Variants in ICAM3 observed in about 807,000 individuals in gnomAD.
ICAM3 encodes intercellular adhesion molecule 3, also known as ICAM-3.
A neutral mutation model predicts 43.6 loss-of-function variants in ICAM3; 54 were observed. The ratio of observed to expected loss-of-function variants is 1.24; its 90% CI spans 0.99 to 1.55. The LOEUF (loss-of-function observed/expected upper bound fraction) is 1.55, where lower values mean the gene tolerates loss of function less well. Ranked by LOEUF, ICAM3 falls within the 40% of genes most tolerant of loss-of-function variation. The pLI, the probability that ICAM3 is intolerant of heterozygous loss-of-function variation, is 0.00. For synonymous variants in ICAM3, 306 were observed against 312.6 expected (o/e 0.98, Z 0.22); for missense variants, 715 against 717.9 (o/e 1.00, Z 0.05).
chr19:10,334,192 T>G lies in ICAM3; in HGVS notation c.1409A>C (p.Lys470Thr). ...YQCQASSSRG[K>T]YTLVVVMDIE... is the part of the protein sequence containing the mutation. ...GTCCATCACCACGACCAGGGTGTAT[T>G]TGCCTCGTGAGCTGGACGCTTGGCA... The change falls in exon 6 of 7, where the codon AAA becomes ACA. Residue 470 changes from lysine (K) to threonine (T), a missense_variant. Physicochemically the swap from Lys to Thr is moderately conservative, Grantham distance 78 (BLOSUM62 -1). Coordinates refer to ENST00000160262, the MANE Select transcript of ICAM3 (RefSeq NM_002162.5). The surrounding 1 kb of genome is among the most constrained non-coding windows in gnomAD (Gnocchi z 5.5). 2 of 1,614,072 alleles carry G rather than the reference T, an allele frequency of 1.2e-6. No individual in the cohort carries two copies. The highest frequency in any genetic ancestry group is 2.2e-5 in the South Asian group (2 of 91,074).
At position 10,334,400 on chromosome 19, in the gene ICAM3, T is replaced by G. The variant is rs1027913510; in HGVS notation, c.1201A>C (p.Lys401Gln). 1.9e-6 allele frequency: 3 copies of G among 1,614,116 alleles called. No homozygotes were observed. The highest frequency in any genetic ancestry group is 1.3e-5 in the African/African-American group (1 of 75,044). The change falls in exon 6 of 7, where the codon AAA becomes CAA. Residue 401 changes from lysine (K) to glutamine (Q), a missense_variant. Coordinates refer to ENST00000160262, the MANE Select transcript of ICAM3 (RefSeq NM_002162.5). The surrounding 1 kb of genome is among the most constrained non-coding windows in gnomAD (Gnocchi z 5.5). ...SVQLRVLYGP[K>Q]IDRATCPQHL... ...TGGGGGCATGTGGCTCGGTCAATTT[T>G]GGGACCATCTGTGGAACCACCATGT... is the stretch of plus-strand genomic sequence containing the variant.
At chr19:10,336,271 G>A in intron 2 of ICAM3, 1 of 400,870 alleles carries the variant, frequency 2.5e-6, no homozygotes, top group Non-Finnish European at 4.5e-6. Flanking sequence ...ACTATGATAT[G>A]AATATTAAAA....
At chr19:10,336,804 CAAAAA>C (rs34119863) in intron 2 of ICAM3, among the ~76,000 whole-genome samples, 17,970 of 78,654 alleles carry the variant, frequency 0.23, 1,332 homozygotes, top group South Asian at 0.34. Flanking sequence ...GACTCTATGT[CAAAAA>C]AAAAAAAAAA....
chr19:10,334,967 T>C lies in ICAM3; in HGVS notation c.937+99A>G, dbSNP rs376351840. On this transcript the variant is annotated intron_variant, in intron 4 of 6. Transcript: ENST00000160262. This position sits in a 1 kb window ranked among gnomAD's most constrained non-coding sequence, Gnocchi z 5.5. The stretch of plus-strand genomic sequence containing the variant: ...GGCCCAACCCACGTTGCAACTGCTA[T>C]TGGGGCAAGCCAGGCCCCACCTTTT... 372 of 1,500,374 alleles carry C rather than the reference T, an allele frequency of 2.5e-4. 3 individuals carry two copies. In the African/African-American group the frequency reaches 2.8e-3, roughly 11 times the overall value. 92.9% of individuals were successfully genotyped at this position (1,500,374 alleles called of 1,614,324 possible).
chr19:10,339,185 A>G lies in ICAM3; in HGVS notation c.77-237T>C, dbSNP rs552295650. The G allele has an allele frequency of 1.3e-4, 75 of 596,052 alleles. 1 individual carries two copies. Among genetic ancestry groups the G allele is most frequent in the South Asian group, 6.6e-4 (32 of 48,214 alleles). 36.9% of individuals were successfully genotyped at this position (596,052 alleles called of 1,614,324 possible). A position where few individuals can be genotyped will look rare whatever the true frequency, so the allele number is the denominator to read the frequency against. ...CAGGGAAGGCTTCCTGGAAGCGGGG[A>G]CCATTGCAGCCCGAAACTGAAGGCT... On this transcript the variant is annotated intron_variant, in intron 1 of 6. Coordinates refer to ENST00000160262, the MANE Select transcript of ICAM3 (RefSeq NM_002162.5).
At chr19:10,338,587 C>A in intron 2 of ICAM3, 95 bp downstream of exon 2, 2 of 1,181,920 alleles carry the variant, frequency 1.7e-6, no homozygotes, top group South Asian at 2.7e-5. Context: ...GTGGTCCATT[C>A]TTTGCAAACT....
At chr19:10,338,403 CAAA>C (rs201095769) in intron 2 of ICAM3, among the ~76,000 whole-genome samples, 3 of 126,452 alleles carry the variant, frequency 2.4e-5, no homozygotes, top group East Asian at 2.4e-4. Flanking sequence ...AACTCTGTCT[CAAA>C]AAAAAAAAAA....
rs73924331 is a variant in ICAM3 at position 10,334,870 on chromosome 19, G to A, written c.938-88C>T. The A allele has an allele frequency of 3.7e-3, 5,522 of 1,490,472 alleles. 157 individuals are homozygous for A. The African/African-American group carries it at 0.067, about 18-fold the overall frequency. The allele number at this position is 1,490,472 out of a possible 1,614,324, so 92.3% of individuals were successfully genotyped here. On this transcript the variant is annotated intron_variant, in intron 4 of 6. Transcript: ENST00000160262. The surrounding 1 kb of genome is among the most constrained non-coding windows in gnomAD (Gnocchi z 5.5). Reference sequence around the variant, plus strand: ...CCTCCGCCCTCCCCTTTCCTCTCGGGATATCCGGGCCACGCTTTCGGCCGT... The same window carrying A: ...CCTCCGCCCTCCCCTTTCCTCTCGGAATATCCGGGCCACGCTTTCGGCCGT...
rs752717108 is a variant in ICAM3 at position 10,335,340 on chromosome 19, G to A, written c.663C>T (p.Thr221=). 1.9e-6 allele frequency: 3 copies of A among 1,607,604 alleles called. No homozygotes were observed. In the African/African-American group the frequency reaches 4.0e-5, roughly 21 times the overall value. The change falls in exon 4 of 7, where the codon ACC becomes ACT. Residue 221 remains threonine, a synonymous_variant. Transcript: ENST00000160262. The stretch of plus-strand genomic sequence containing the variant: ...ACCGGGGGGCCACGAGGCGCGGGGG[G>A]GTCACGGGCAGGACTGGGGAGAAAG... ...RQLRTFVLPV[T]PPRLVAPRFL...
At position 10,334,030 on chromosome 19, in the gene ICAM3, C is replaced by G; in HGVS notation, c.1471G>C (p.Val491Leu). The change falls in exon 7 of 7, where the codon GTG becomes CTG. Residue 491 changes from valine (V) to leucine (L), a missense_variant. Val to Leu is a conservative substitution (Grantham distance 32). Coordinates refer to ENST00000160262, the MANE Select transcript of ICAM3 (RefSeq NM_002162.5). The surrounding 1 kb of genome is among the most constrained non-coding windows in gnomAD (Gnocchi z 5.5). Reference protein sequence around the residue: ...AGSSHFVPVFVAVLLTLGVVT... With the variant: ...AGSSHFVPVFLAVLLTLGVVT... Reference sequence around the variant, plus strand: ...ACGCCCAGGGTCAGTAACACCGCCACGAAGACGGGGACAAAGTGGGAGCTC... The same window carrying G: ...ACGCCCAGGGTCAGTAACACCGCCAGGAAGACGGGGACAAAGTGGGAGCTC... 6.2e-7 allele frequency: 1 copy of G among 1,614,102 alleles called. No homozygotes were observed. Among genetic ancestry groups the G allele is most frequent in the East Asian group, 2.2e-5 (1 of 44,886 alleles).
At position 10,335,801 on chromosome 19, in the gene ICAM3, G is replaced by GACCTCCGCTGGC. The variant is rs1310870139; in HGVS notation, c.507_518dup (p.Pro170_Val173dup). The GACCTCCGCTGGC allele has an allele frequency of 6.2e-7, 1 of 1,612,450 alleles. No homozygotes were observed. The highest frequency in any genetic ancestry group is 8.5e-7 in the Non-Finnish European group (1 of 1,179,832). ...CTCTGCTGGCCAGCACAGTGGCAGTGACCTCCGCTGGCTCCTCCACTGCGG... is the reference window on the plus strand; with the variant it reads ...CTCTGCTGGCCAGCACAGTGGCAGTGACCTCCGCTGGCACCTCCGCTGGCTCCTCCACTGCGG... On this transcript the variant is annotated inframe_insertion, in exon 3 of 7. Transcript: ENST00000160262.
chr19:10,335,395 C>A, intron 3 of ICAM3, 42 bp from the exon 4 acceptor site: 1 of 1,508,612 alleles, frequency 6.6e-7, no homozygotes, highest in East Asian at 2.4e-5. Context: ...CAGGACTGTG[C>A]CTTCCCCAGG....
chr19:10,339,119 A>C, intron 1 of ICAM3, 171 bp from the exon 2 acceptor site: 1 of 677,422 alleles, frequency 1.5e-6, no homozygotes, highest in Non-Finnish European at 2.5e-6. Context: ...ACTCAGAAGG[A>C]GGCCAGAAGA....
chr19:10,333,800 G>A lies in ICAM3; in HGVS notation c.*57C>T, dbSNP rs2040546923. ...ATTAGGGAGTTTGAAGGCTTTATTG[G>A]TGCGGAATCTGAGGGCACAGCCAAG... On this transcript the variant is annotated 3_prime_UTR_variant, in exon 7 of 7. Coordinates refer to ENST00000160262, the MANE Select transcript of ICAM3 (RefSeq NM_002162.5). This position sits in a 1 kb window ranked among gnomAD's most constrained non-coding sequence, Gnocchi z 4.2. The A allele has an allele frequency of 1.4e-5, 22 of 1,560,760 alleles. No individual in the cohort carries two copies. Among genetic ancestry groups the A allele is most frequent in the Middle Eastern group, 3.3e-4 (2 of 5,974 alleles).
In ICAM3 at chr19:10,334,099, G is replaced by T; in HGVS notation, c.1442-40C>A. 3 of 1,610,250 alleles carry T rather than the reference G, an allele frequency of 1.9e-6. No individual in the cohort carries two copies. The highest frequency in any genetic ancestry group is 2.5e-6 in the Non-Finnish European group (3 of 1,176,944). On this transcript the variant is annotated intron_variant, in intron 6 of 6. Transcript: ENST00000160262. The surrounding 1 kb of genome is among the most constrained non-coding windows in gnomAD (Gnocchi z 5.5). ...CGCTAAGTCAATATGCGTCCCTTCTGTCTCCAACCCCCCCGCCCCCCGGCT... is the reference window on the plus strand; with the variant it reads ...CGCTAAGTCAATATGCGTCCCTTCTTTCTCCAACCCCCCCGCCCCCCGGCT...
In ICAM3 at chr19:10,333,828, C is replaced by T; in HGVS notation, c.*29G>A. The T allele has an allele frequency of 1.9e-6, 3 of 1,607,420 alleles. No individual in the cohort carries two copies. The highest frequency in any genetic ancestry group is 2.6e-6 in the Non-Finnish European group (3 of 1,174,226). ...CGGAATCTGAGGGCACAGCCAAGCCCCCGCCAACTTTGATCCCGGATCCCA... is the reference window on the plus strand; with the variant it reads ...CGGAATCTGAGGGCACAGCCAAGCCTCCGCCAACTTTGATCCCGGATCCCA... On this transcript the variant is annotated 3_prime_UTR_variant, in exon 7 of 7. Coordinates refer to ENST00000160262, the MANE Select transcript of ICAM3 (RefSeq NM_002162.5). The surrounding 1 kb of genome is among the most constrained non-coding windows in gnomAD (Gnocchi z 4.2).
chr19:10,338,998 C>A (rs1192522483), intron 1 of ICAM3, 50 bp from the exon 2 acceptor site: 2 of 1,590,130 alleles, frequency 1.3e-6, no homozygotes, highest in African/African-American at 1.3e-5. Context: ...TCCCCCAACC[C>A]ACGCATCAAC....
chr19:10,337,442 G>T (rs1247760444), intron 2 of ICAM3, among the ~76,000 whole-genome samples: 1 of 145,654 alleles, frequency 6.9e-6, no homozygotes, highest in Admixed American at 6.9e-5. Context: ...GAAAAGAAAA[G>T]AAAAAAAAAA....
chr19:10,334,180 A>T lies in ICAM3; in HGVS notation c.1421T>A (p.Val474Asp). 6.2e-7 allele frequency: 1 copy of T among 1,613,624 alleles called. No homozygotes were observed. The highest frequency in any genetic ancestry group is 8.5e-7 in the Non-Finnish European group (1 of 1,179,878). ...CTCACCCTCAATGTCCATCACCACG[A>T]CCAGGGTGTATTTGCCTCGTGAGCT... ...ASSSRGKYTL[V>D]VVMDIEAGSS... The change falls in exon 6 of 7, where the codon GTC becomes GAC. Residue 474 changes from valine (V) to aspartate (D), a missense_variant. Coordinates refer to ENST00000160262, the MANE Select transcript of ICAM3 (RefSeq NM_002162.5). This position sits in a 1 kb window ranked among gnomAD's most constrained non-coding sequence, Gnocchi z 5.5.
Sources: gnomAD v4.1 joint callset for allele counts (sites outside exome capture counted in the v4.1 genomes callset) on GRCh38, gnomAD v4.1.1 for gene constraint, Gnocchi (gnomAD v3.1) non-coding constraint, MANE v1.5 for transcripts, NCBI Gene and HGNC (gene_info 2026-07-23, HGNC 2026-07-21) for gene names.